BDH1: variants seen among roughly 807,000 people sequenced by gnomAD.
The protein encoded by BDH1 is D-beta-hydroxybutyrate dehydrogenase, mitochondrial.
BDH1 carries 30 observed loss-of-function variants against 33.1 expected under a neutral mutation model. The observed-to-expected ratio is 0.91, with a 90% CI of 0.68 to 1.23. The LOEUF (loss-of-function observed/expected upper bound fraction) is 1.23, where lower values mean the gene tolerates loss of function less well. BDH1 is among the 50% of genes most tolerant of loss of function. BDH1 has a pLI of 0.00. For synonymous variants in BDH1, 190 were observed against 183.6 expected (o/e 1.03, Z -0.28); for missense variants, 443 against 464.4 (o/e 0.95, Z 0.42).
chr3:197,554,546 AAAG>A lies in BDH1; in HGVS notation c.-44+13_-44+15del, dbSNP rs1427570300. 3 of 152,206 alleles carry A rather than the reference AAAG, an allele frequency of 2.0e-5. No homozygotes were observed. The highest frequency in any genetic ancestry group is 4.4e-5 in the Non-Finnish European group (3 of 68,052). The allele number at this position is 152,206 out of a possible 1,614,324, so 9.4% of individuals were successfully genotyped here. A position where few individuals can be genotyped will look rare whatever the true frequency, so the allele number is the denominator to read the frequency against. Reference sequence around the variant, plus strand: ...AGCCCGGCTCCAACGCCTCTTGTAGAAAGAAGGACACTGACCAGGACATTTGCA... The same window carrying A: ...AGCCCGGCTCCAACGCCTCTTGTAGAAAGGACACTGACCAGGACATTTGCA... On this transcript the variant is annotated intron_variant, in intron 2 of 7. Coordinates refer to ENST00000392379, the MANE Select transcript of BDH1 (RefSeq NM_203314.3). The surrounding 1 kb of genome is among the most constrained non-coding windows in gnomAD (Gnocchi z 4.4).
chr3:197,565,058 G>C (rs1424189587), intron 1 of BDH1, among the ~76,000 whole-genome samples: 1 of 152,194 alleles, frequency 6.6e-6, no homozygotes, highest in African/African-American at 2.4e-5. Context: ...TAGTAGCTGA[G>C]ATTACAGGCA....
At chr3:197,556,977 C>T (rs758761625), upstream of BDH1, among the ~76,000 whole-genome samples, 3 of 152,226 alleles carry the variant, frequency 2.0e-5, no homozygotes, top group Non-Finnish European at 4.4e-5. Context: ...TAGGGCCAAC[C>T]TGCCCCCATT....
rs894944725 is a variant in BDH1, at chr3:197,531,416, A to T, written c.267+996T>A. ...TGTCTCAAAAACATAAATTAAAAAA[A>T]AAATATATATATATATATATGTGTA... On this transcript the variant is annotated intron_variant, in intron 5 of 7. Coordinates refer to ENST00000392379, the MANE Select transcript of BDH1 (RefSeq NM_203314.3). Among the ~76,000 whole-genome samples, 998 of 121,012 alleles carry T rather than the reference A, an allele frequency of 8.2e-3. 9 individuals are homozygous for T. Among genetic ancestry groups the T allele is most frequent in the African/African-American group, 0.024 (783 of 33,138 alleles). The allele number at this position is 121,012 out of a possible 152,430, so 79.4% of individuals were successfully genotyped here.
intron 3 of BDH1, among the ~76,000 whole-genome samples, chr3:197,534,447 G>A (rs1180906433): frequency 6.6e-6 from 1 of 152,152 alleles, no homozygotes; most frequent in African/African-American, 2.4e-5. Flanking sequence ...CATGACACAG[G>A]GGTATGACAA....
intron 2 of BDH1, 120 bp from the exon 3 acceptor site, chr3:197,546,606 A>G: frequency 1.6e-6 from 1 of 633,394 alleles, no homozygotes; most frequent in Non-Finnish European, 2.8e-6. Flanking sequence ...ACCCAGCTCC[A>G]GTCCTGGTAC....
chr3:197,572,928 A>C (rs1230539460), intron 1 of BDH1, among the ~76,000 whole-genome samples: 3 of 152,142 alleles, frequency 2.0e-5, no homozygotes, highest in Admixed American at 1.3e-4. Flanking sequence ...TTTTCCAATT[A>C]TTTTCCCAAT....
intron 1 of BDH1, among the ~76,000 whole-genome samples, chr3:197,567,200 G>C (rs1212479404): frequency 6.6e-6 from 1 of 152,092 alleles, no homozygotes; most frequent in Non-Finnish European, 1.5e-5. Flanking sequence ...CCTGGGACGA[G>C]GGACTCATTT....
At chr3:197,535,456 CT>C (rs2108746233) in intron 3 of BDH1, among the ~76,000 whole-genome samples, 1 of 152,326 alleles carries the variant, frequency 6.6e-6, no homozygotes, top group East Asian at 1.9e-4. Flanking sequence ...GTAACCCAGA[CT>C]CTGCCACCAA....
chr3:197,532,564 C>T, intron 4 of BDH1, 42 bp from the exon 5 acceptor site: 1 of 1,515,284 alleles, frequency 6.6e-7, no homozygotes, highest in East Asian at 2.3e-5. Context: ...ACCGGTGGTA[C>T]AGGGGCAAAG....
At chr3:197,568,347 G>C (rs139778242) in intron 1 of BDH1, among the ~76,000 whole-genome samples, 1 of 151,562 alleles carries the variant, frequency 6.6e-6, no homozygotes, top group Non-Finnish European at 1.5e-5. Context: ...TATAGGTATT[G>C]AGTAGCTTTT....
At chr3:197,532,327 G>C (rs1560321035) in intron 5 of BDH1, 85 bp downstream of exon 5, 6 of 1,179,278 alleles carry the variant, frequency 5.1e-6, no homozygotes, top group African/African-American at 1.5e-5. Flanking sequence ...AGGTGAGCCA[G>C]TTGTTAGGAA....
At chr3:197,545,345 T>G (rs1715983800) in intron 3 of BDH1, among the ~76,000 whole-genome samples, 1 of 152,218 alleles carries the variant, frequency 6.6e-6, no homozygotes, top group South Asian at 2.1e-4. Context: ...GGTGAAGGTT[T>G]GGGACATCTC....
At chr3:197,527,476 G>A (rs1055326329) in intron 5 of BDH1, among the ~76,000 whole-genome samples, 2 of 152,130 alleles carry the variant, frequency 1.3e-5, no homozygotes, top group African/African-American at 2.4e-5. Flanking sequence ...GGGCTTTGGC[G>A]ACCTCAAACT....
At chr3:197,536,578 T>A (rs752373831) in intron 3 of BDH1, among the ~76,000 whole-genome samples, 4 of 152,044 alleles carry the variant, frequency 2.6e-5, no homozygotes, top group Non-Finnish European at 5.9e-5. Context: ...TGGTGGGTCA[T>A]CCCTGTAACC....
rs1408235005 is a variant in BDH1, at chr3:197,528,973, G to A, written c.267+3439C>T. The A allele has an allele frequency of 2.0e-5, 3 of 152,234 alleles. No homozygotes were observed. Among genetic ancestry groups the A allele is most frequent in the South Asian group, 2.1e-4 (1 of 4,834 alleles). 9.4% of individuals were successfully genotyped at this position (152,234 alleles called of 1,614,324 possible). On this transcript the variant is annotated intron_variant, in intron 5 of 7. Transcript: ENST00000392379. The surrounding 1 kb of genome is among the most constrained non-coding windows in gnomAD (Gnocchi z 5.1). ...GATAAGCCAGCACAATGGCACAGAA[G>A]CCTAACATAGGACAAGGGACTTTAC...
rs952385391 is a variant in BDH1, at chr3:197,537,478, A to G, written c.84-3917T>C. On this transcript the variant is annotated intron_variant, in intron 3 of 7. Transcript: ENST00000392379. ...ATGTAATCTGCAAATATGGGGTCTT[A>G]TTCCTTCTTTTCCAATCTATATGAC... Among the ~76,000 whole-genome samples the G allele has an allele frequency of 7.9e-5, 12 of 152,270 alleles. No individual in the cohort carries two copies. In the South Asian group the frequency reaches 2.5e-3, roughly 32 times the overall value.
chr3:197,522,865 G>A lies in BDH1; in HGVS notation c.268-84C>T. 6.5e-7 allele frequency: 1 copy of A among 1,529,772 alleles called. No homozygotes were observed. The allele number at this position is 1,529,772 out of a possible 1,614,324, so 94.8% of individuals were successfully genotyped here. A position where few individuals can be genotyped will look rare whatever the true frequency, so the allele number is the denominator to read the frequency against. On this transcript the variant is annotated intron_variant, in intron 5 of 7. Coordinates refer to ENST00000392379, the MANE Select transcript of BDH1 (RefSeq NM_203314.3). The surrounding 1 kb of genome is among the most constrained non-coding windows in gnomAD (Gnocchi z 4.8). The stretch of plus-strand genomic sequence containing the variant: ...GAGGACTCCTGTCAAGGCAGGAGCT[G>A]GCCTCAAGTCCCAGCCAAAGCCTCA...
chr3:197,514,675 C>T lies in BDH1; in HGVS notation c.410-259G>A, dbSNP rs1712498443. Among the ~76,000 whole-genome samples, 2 of 152,184 alleles carry T rather than the reference C, an allele frequency of 1.3e-5. No homozygotes were observed. The highest frequency in any genetic ancestry group is 4.8e-5 in the African/African-American group (2 of 41,440). ...GCCTGGCTCGAGTCTCTGGGCCCAT[C>T]ATGACCCAGCCTGCCGTGTCCCCCG... On this transcript the variant is annotated intron_variant, in intron 6 of 7. Transcript: ENST00000392379. The surrounding 1 kb of genome is among the most constrained non-coding windows in gnomAD (Gnocchi z 4.2).
At chr3:197,567,781 A>G (rs570712002) in intron 1 of BDH1, among the ~76,000 whole-genome samples, 1 of 152,296 alleles carries the variant, frequency 6.6e-6, no homozygotes, top group South Asian at 2.1e-4. Flanking sequence ...GCATGTATGT[A>G]AGCTAAATGA....
Sources: gnomAD v4.1 joint callset for allele counts (sites outside exome capture counted in the v4.1 genomes callset) on GRCh38, gnomAD v4.1.1 for gene constraint, Gnocchi (gnomAD v3.1) non-coding constraint, MANE v1.5 for transcripts, NCBI Gene and HGNC (gene_info 2026-07-23, HGNC 2026-07-21) for gene names.